GGTA1: variants seen among roughly 807,000 people sequenced by gnomAD.
GGTA1 encodes the protein inactive N-acetyllactosaminide alpha-1,3-galactosyltransferase.
In GGTA1, 5 loss-of-function variants were observed where a neutral mutation model predicts 2.6. That is an observed-to-expected ratio of 1.92 (90% CI 1.00 to 4.04). GGTA1 has a LOEUF of 4.04. Among genes scored for constraint, GGTA1 ranks in the 30% most tolerant of loss-of-function variants. GGTA1 has a pLI of 0.00. For synonymous variants in GGTA1, 17 were observed against 5.0 expected, an observed-to-expected ratio of 3.38 and a Z score of -3.19; for missense variants, 50 against 16.7, an observed-to-expected ratio of 2.99 and a Z score of -3.47.
intron 5 of GGTA1, among the ~76,000 whole-genome samples, chr9:121,458,887 C>T (rs2064936529): frequency 6.6e-6 from 1 of 152,108 alleles, no homozygotes; most frequent in African/African-American, 2.4e-5. Flanking sequence ...ACTTTGGGGA[C>T]CATCTCTGGC....
intron 1 of GGTA1, among the ~76,000 whole-genome samples, chr9:121,482,531 G>A (rs1422249249): frequency 6.6e-6 from 1 of 152,174 alleles, no homozygotes; most frequent in Admixed American, 6.5e-5. Context: ...CACTTTGAGA[G>A]GCTGAGGCGG....
At chr9:121,487,239 G>C (rs574743061) in intron 1 of GGTA1, among the ~76,000 whole-genome samples, 24 of 152,204 alleles carry the variant, frequency 1.6e-4, no homozygotes, top group African/African-American at 4.1e-4. Context: ...TGTTTGTCCT[G>C]GGTTGATCTC....
At chr9:121,481,981 AGC>A (rs1373607773) in intron 1 of GGTA1, among the ~76,000 whole-genome samples, 1 of 151,334 alleles carries the variant, frequency 6.6e-6, no homozygotes, top group African/African-American at 2.4e-5. Flanking sequence ...GGGCAACAAA[AGC>A]GGAACTCTGT....
At chr9:121,487,673 C>G (rs1037724291) in intron 1 of GGTA1, among the ~76,000 whole-genome samples, 47 of 151,480 alleles carry the variant, frequency 3.1e-4, no homozygotes, top group African/African-American at 1.1e-3. Context: ...CTGAGGATCT[C>G]TGTTTGGCCG....
chr9:121,467,850 T>G lies in GGTA1; in HGVS notation c.73A>C (p.Ile25Leu), dbSNP rs1396539232. The G allele has an allele frequency of 2.2e-6, 1 of 456,106 alleles. No individual in the cohort carries two copies. The highest frequency in any genetic ancestry group is 6.9e-5 in the East Asian group (1 of 14,392). The allele number at this position is 456,106 out of a possible 1,614,324, so 28.3% of individuals were successfully genotyped here. A position where few individuals can be genotyped will look rare whatever the true frequency, so the allele number is the denominator to read the frequency against. The change falls in exon 2 of 6, where the codon ATC becomes CTC. Residue 25 changes from isoleucine to leucine, a missense_variant. Transcript: ENST00000481799. ...ATCATGTTTCATAATTACCTGTTGA[T>G]AAATTCCCAAAACACAATGATCACA... ...STVIIVFWEF[I>L]NSTEGSFLWI...
intron 1 of GGTA1, among the ~76,000 whole-genome samples, chr9:121,492,638 T>A (rs1828893730): frequency 6.6e-6 from 1 of 151,858 alleles, no homozygotes; most frequent in African/African-American, 2.4e-5. Flanking sequence ...TACGCCTGGC[T>A]AATTTTATAT....
At chr9:121,457,532 C>G (rs1046979187) in intron 5 of GGTA1, among the ~76,000 whole-genome samples, 2 of 151,860 alleles carry the variant, frequency 1.3e-5, no homozygotes, top group African/African-American at 2.4e-5. Context: ...AACCCCGTCT[C>G]TAATAAAAAT....
At chr9:121,495,315 G>C (rs908081562) in intron 1 of GGTA1, among the ~76,000 whole-genome samples, 11 of 151,944 alleles carry the variant, frequency 7.2e-5, no homozygotes, top group South Asian at 2.1e-4. Context: ...GGAGGCTGAG[G>C]CAGGTGGATC....
intron 1 of GGTA1, among the ~76,000 whole-genome samples, chr9:121,472,909 AT>A (rs200963890): frequency 4.6e-5 from 7 of 151,912 alleles, no homozygotes; most frequent in South Asian, 2.1e-4. Flanking sequence ...GATGTTTATG[AT>A]TTTTTTTTAT....
chr9:121,446,777 A>T lies in GGTA1; in HGVS notation c.*939T>A, dbSNP rs2064853934. On this transcript the variant is annotated 3_prime_UTR_variant and NMD_transcript_variant, in exon 8 of 8. Coordinates refer to the GGTA1 transcript ENST00000481534. ...TACAAAGCCCCAAGTTACAAGGAGG[A>T]ATGGTATGTTTTTGCCCTGTTGGTG... 4 of 152,150 alleles carry T rather than the reference A, an allele frequency of 2.6e-5. No homozygotes were observed. The South Asian group carries it at 8.3e-4, about 32-fold the overall frequency. 9.4% of individuals were successfully genotyped at this position (152,150 alleles called of 1,614,324 possible).
chr9:121,493,011 G>A (rs1828901912), intron 1 of GGTA1, among the ~76,000 whole-genome samples: 1 of 151,908 alleles, frequency 6.6e-6, no homozygotes, highest in Non-Finnish European at 1.5e-5. Flanking sequence ...GGGTGTGGTG[G>A]CGTGTGCCTG....
At chr9:121,460,074 C>T (rs1217741146) in intron 5 of GGTA1, 30 bp downstream of exon 5, 2 of 456,166 alleles carry the variant, frequency 4.4e-6, no homozygotes, top group East Asian at 6.9e-5. Flanking sequence ...CATGGATTTG[C>T]TGCACAGGGA....
chr9:121,449,937 C>T (rs988642125), intron 7 of GGTA1, among the ~76,000 whole-genome samples: 1 of 151,560 alleles, frequency 6.6e-6, no homozygotes, highest in Non-Finnish European at 1.5e-5. Context: ...TGAAGCTATG[C>T]TATGGAGATT....
chr9:121,479,325 G>C (rs871672), intron 1 of GGTA1: 80,230 of 355,342 alleles, frequency 0.23, 10,573 homozygotes, highest in Non-Finnish European at 0.29. Flanking sequence ...GAAGGTGCTG[G>C]TTTCAACTCC....
chr9:121,459,200 T>C (rs2064939140), intron 5 of GGTA1, among the ~76,000 whole-genome samples: 1 of 152,206 alleles, frequency 6.6e-6, no homozygotes, highest in Non-Finnish European at 1.5e-5. Context: ...CTCACACCTG[T>C]AATCCCAGCA....
In GGTA1 at chr9:121,455,855, C is replaced by T. The variant is rs3747845; in HGVS notation, c.299-14G>A. On this transcript the variant is annotated splice_polypyrimidine_tract_variant and intron_variant, in intron 5 of 5. Transcript: ENST00000481799. ...GATTCCTTCAAGCTGGAAGAAAAAACAGCAACATTAAAAATTTATGTTGAA... is the reference window on the plus strand; with the variant it reads ...GATTCCTTCAAGCTGGAAGAAAAAATAGCAACATTAAAAATTTATGTTGAA... 0.86 allele frequency: 387,066 copies of T among 452,502 alleles called. 167,255 individuals are homozygous for T. The highest frequency in any genetic ancestry group is 0.91 in the Non-Finnish European group (205,416 of 225,830). The allele number at this position is 452,502 out of a possible 1,614,324, so 28.0% of individuals were successfully genotyped here. A position where few individuals can be genotyped will look rare whatever the true frequency, so the allele number is the denominator to read the frequency against.
At chr9:121,491,914 A>C (rs1477918888) in intron 1 of GGTA1, among the ~76,000 whole-genome samples, 8 of 152,152 alleles carry the variant, frequency 5.3e-5, no homozygotes, top group Non-Finnish European at 8.8e-5. Flanking sequence ...GCCATGTGCA[A>C]CTGTCTCCCA....
chr9:121,495,736 A>T (rs1352785431), intron 1 of GGTA1, among the ~76,000 whole-genome samples: 2 of 152,178 alleles, frequency 1.3e-5, no homozygotes, highest in Admixed American at 6.5e-5. Flanking sequence ...GCATGGAACT[A>T]AACTCATTAT....
chr9:121,477,983 C>T (rs1008946955), intron 1 of GGTA1, among the ~76,000 whole-genome samples: 1 of 151,644 alleles, frequency 6.6e-6, no homozygotes, highest in African/African-American at 2.4e-5. Flanking sequence ...CTGGGCTAAA[C>T]CCCTTTTCAG....
Sources: gnomAD v4.1 joint callset for allele counts (sites outside exome capture counted in the v4.1 genomes callset) on GRCh38, gnomAD v4.1.1 for gene constraint, MANE v1.5 for transcripts, NCBI Gene and HGNC (gene_info 2026-07-23, HGNC 2026-07-21) for gene names.